POU6F1: variants seen among roughly 807,000 people sequenced by gnomAD.
POU6F1 encodes POU domain, class 6, transcription factor 1.
In POU6F1, 9 loss-of-function variants were observed where a neutral mutation model predicts 28.9. That is an observed-to-expected ratio of 0.31 (90% CI 0.19 to 0.54). The LOEUF is 0.54. Among genes scored for constraint, POU6F1 ranks in the 20% least tolerant of loss-of-function variants. The probability of loss-of-function intolerance (pLI) is 0.94; values close to 1 mark genes in which losing one functional copy is unlikely to be tolerated. For synonymous variants in POU6F1, 173 were observed against 171.1 expected (o/e 1.01, Z -0.09); for missense variants, 338 against 426.1 (o/e 0.79, Z 1.82).
chr12:51,213,659 G>A lies in POU6F1; in HGVS notation c.-48+3983C>T, dbSNP rs147888684. 3.6e-3 allele frequency among the ~76,000 whole-genome samples: 546 copies of A among 151,838 alleles called. 11 individuals are homozygous for A. The East Asian group carries it at 0.057, about 16-fold the overall frequency. ...AACGATTCTCCTGCCTCAACCTCCC[G>A]AGTAGCTGGGACTACAGGCGCCCAC... On this transcript the variant is annotated intron_variant, in intron 1 of 10. Coordinates refer to ENST00000333640, the MANE Select transcript of POU6F1 (RefSeq NM_001330422.2).
At chr12:51,212,318 T>C (rs1477091209) in intron 1 of POU6F1, among the ~76,000 whole-genome samples, 2 of 151,636 alleles carry the variant, frequency 1.3e-5, no homozygotes, top group African/African-American at 2.4e-5. Context: ...GGTCTCGAAC[T>C]CCTGACCTCG....
At chr12:51,192,998 T>A (rs1281605702) in intron 8 of POU6F1, among the ~76,000 whole-genome samples, 1 of 151,926 alleles carries the variant, frequency 6.6e-6, no homozygotes, top group African/African-American at 2.4e-5. Flanking sequence ...CAACCTGCCC[T>A]ACCAACCTGG....
At chr12:51,192,018 C>T (rs1942449922) in intron 9 of POU6F1, among the ~76,000 whole-genome samples, 1 of 152,206 alleles carries the variant, frequency 6.6e-6, no homozygotes, top group Admixed American at 6.5e-5. Flanking sequence ...CCCATTCTCC[C>T]TAGGCCTGGC....
Position 51,190,330 on chromosome 12 carries a change from G to A in POU6F1, c.1753C>T (p.Arg585Cys), listed in dbSNP as rs764924709. 3.7e-6 allele frequency: 6 copies of A among 1,614,200 alleles called. No individual in the cohort carries two copies. Among genetic ancestry groups the A allele is most frequent in the South Asian group, 1.1e-5 (1 of 91,078 alleles). Reference sequence around the variant, plus strand: ...CAGAACCAGACCCGCACTACCTCACGGTCGTAGTTGAGCTCCTTAGCAATT... The same window carrying A: ...CAGAACCAGACCCGCACTACCTCACAGTCGTAGTTGAGCTCCTTAGCAATT... Reference protein sequence around the residue: ...TEIAKELNYDREVVRVWFCNR... With the variant: ...TEIAKELNYDCEVVRVWFCNR... Residue 585 changes from arginine (R) to cysteine (C), a missense_variant, in exon 11 of 11, where the codon CGT becomes TGT. Transcript: ENST00000333640. The surrounding 1 kb of genome is among the most constrained non-coding windows in gnomAD (Gnocchi z 4.5).
At position 51,212,075 on chromosome 12, in the gene POU6F1, TTTTTTTTGTTTTG is replaced by T. The variant is rs1312996723; in HGVS notation, c.-47-5205_-47-5193del. Among the ~76,000 whole-genome samples the T allele has an allele frequency of 8.8e-5, 11 of 125,382 alleles. No individual in the cohort carries two copies. In the East Asian group the frequency reaches 1.3e-3, roughly 14 times the overall value. 82.3% of individuals were successfully genotyped at this position (125,382 alleles called of 152,430 possible). ...GCCTTGCCTTTCGTTTTTTTTTTTGTTTTTTTTGTTTTGTTTGTTTGTTTGTTTGTTTGTTTGA... is the reference window on the plus strand; with the variant it reads ...GCCTTGCCTTTCGTTTTTTTTTTTGTTTTGTTTGTTTGTTTGTTTGTTTGA... On this transcript the variant is annotated intron_variant, in intron 1 of 10. Coordinates refer to ENST00000333640, the MANE Select transcript of POU6F1 (RefSeq NM_001330422.2).
chr12:51,197,350 G>T (rs1215086000), intron 6 of POU6F1, among the ~76,000 whole-genome samples: 1 of 152,168 alleles, frequency 6.6e-6, no homozygotes, highest in Non-Finnish European at 1.5e-5. Flanking sequence ...GCCTGGGAGG[G>T]TAGAAGGGCC....
intron 8 of POU6F1, among the ~76,000 whole-genome samples, chr12:51,194,169 G>A (rs543664624): frequency 6.6e-6 from 1 of 152,254 alleles, no homozygotes; most frequent in South Asian, 2.1e-4. Flanking sequence ...TAGGATTACA[G>A]GTGCCCGCCA....
At position 51,198,617 on chromosome 12, in the gene POU6F1, G is replaced by A; in HGVS notation, c.525C>T (p.Ala175=). The A allele has an allele frequency of 2.5e-6, 1 of 399,258 alleles. No individual in the cohort carries two copies. The highest frequency in any genetic ancestry group is 4.4e-6 in the Non-Finnish European group (1 of 226,260). 24.7% of individuals were successfully genotyped at this position (399,258 alleles called of 1,614,324 possible). ...GAGAAGCAGCGGTCAGTCCTGGGAG[G>A]GCAGCCACAGTTGCTGTAGGAATTG... The part of the protein sequence containing the change: ...VWTIPTATVA[A]LPGLTAASPT... Residue 175 remains alanine (A), a synonymous_variant, in exon 5 of 11, where the codon GCC becomes GCT. Transcript: ENST00000333640.
chr12:51,207,011 G>T, intron 1 of POU6F1, 128 bp from the exon 2 acceptor site: 1 of 371,514 alleles, frequency 2.7e-6, no homozygotes, highest in East Asian at 3.9e-5. Flanking sequence ...TATCTGTAGA[G>T]GTTAAAAAAA....
Position 51,190,509 on chromosome 12 carries a change from C to T in POU6F1, c.1574G>A (p.Arg525Gln), listed in dbSNP as rs777269426. 5.5e-5 allele frequency: 89 copies of T among 1,614,064 alleles called. No individual in the cohort carries two copies. The highest frequency in any genetic ancestry group is 7.5e-5 in the Non-Finnish European group (88 of 1,180,042). ...LEKWLNEAEL[R>Q]NQEGQQNLME... ...CAGGTTCTGCTGGCCTTCCTGGTTC[C>T]GCAGTTCAGCTTCGTTTAGCCACTT... Residue 525 changes from arginine to glutamine, a missense_variant, in exon 11 of 11, where the codon CGG becomes CAG. Physicochemically the swap from Arg to Gln is conservative, Grantham distance 43. Coordinates refer to ENST00000333640, the MANE Select transcript of POU6F1 (RefSeq NM_001330422.2). The surrounding 1 kb of genome is among the most constrained non-coding windows in gnomAD (Gnocchi z 4.5).
intron 1 of POU6F1, among the ~76,000 whole-genome samples, chr12:51,214,827 C>A (rs758433511): frequency 2.6e-5 from 4 of 151,728 alleles, no homozygotes; most frequent in Non-Finnish European, 5.9e-5. Flanking sequence ...GGTGTGGTGG[C>A]GCAGGCCTGT....
rs539519690 is a variant in POU6F1, at chr12:51,198,359, G to A, written c.592+191C>T. On this transcript the variant is annotated intron_variant, in intron 5 of 10. Coordinates refer to ENST00000333640, the MANE Select transcript of POU6F1 (RefSeq NM_001330422.2). ...AGTACGGCAGGCCTGCGGGGCCAGCGTGGCGTCACGGCCTACAGTCCCGAG... is the reference window on the plus strand; with the variant it reads ...AGTACGGCAGGCCTGCGGGGCCAGCATGGCGTCACGGCCTACAGTCCCGAG... Among the ~76,000 whole-genome samples, 37 of 152,338 alleles carry A rather than the reference G, an allele frequency of 2.4e-4. No homozygotes were observed. In the Middle Eastern group the frequency reaches 0.01, roughly 42 times the overall value.
Position 51,190,263 on chromosome 12 carries a change from A to T in POU6F1, c.1820T>A (p.Val607Asp). 3 of 1,614,078 alleles carry T rather than the reference A, an allele frequency of 1.9e-6. No homozygotes were observed. Among genetic ancestry groups the T allele is most frequent in the Non-Finnish European group, 2.5e-6 (3 of 1,179,972 alleles). Reference sequence around the variant, plus strand: ...GGCTGAGCCCTAAGGGATCTGAAAGACGTTCAGCTTGCTGGTGTTCTTGAG... The same window carrying T: ...GGCTGAGCCCTAAGGGATCTGAAAGTCGTTCAGCTTGCTGGTGTTCTTGAG... Reference protein sequence around the residue: ...QTLKNTSKLNVFQIP With the variant: ...QTLKNTSKLNDFQIP Residue 607 changes from valine (V) to aspartate (D), a missense_variant, in exon 11 of 11, where the codon GTC (valine) becomes GAC (aspartate). Around this residue, in one of 3 missense-constraint regions of POU6F1, gnomAD observed 126 missense variants for 176.5 expected, o/e 0.71. Coordinates refer to ENST00000333640, the MANE Select transcript of POU6F1 (RefSeq NM_001330422.2). The surrounding 1 kb of genome is among the most constrained non-coding windows in gnomAD (Gnocchi z 4.5).
intron 6 of POU6F1, 45 bp from the exon 7 acceptor site, chr12:51,196,972 A>G: frequency 1.7e-6 from 2 of 1,175,990 alleles, no homozygotes; most frequent in Non-Finnish European, 2.5e-6. Context: ...AGGGGTGAGA[A>G]GAACCCCGGG....
At position 51,194,033 on chromosome 12, in the gene POU6F1, A is replaced by AT. The variant is rs1335255078; in HGVS notation, c.1180-1563dup. 2.8e-4 allele frequency among the ~76,000 whole-genome samples: 41 copies of AT among 147,606 alleles called. No homozygotes were observed. The Middle Eastern group carries it at 0.014, about 50-fold the overall frequency. Reference sequence around the variant, plus strand: ...TCTTGACACCATGTGAATAACGGGGATTTTTTTTTTTGAGACGGAGTCTCA... The same window carrying AT: ...TCTTGACACCATGTGAATAACGGGGATTTTTTTTTTTTGAGACGGAGTCTCA... On this transcript the variant is annotated intron_variant, in intron 8 of 10. Coordinates refer to ENST00000333640, the MANE Select transcript of POU6F1 (RefSeq NM_001330422.2).
Position 51,191,714 on chromosome 12 carries a change from G to A in POU6F1, c.1372C>T (p.Arg458Trp). 4.3e-6 allele frequency: 7 copies of A among 1,614,160 alleles called. No homozygotes were observed. The highest frequency in any genetic ancestry group is 5.9e-6 in the Non-Finnish European group (7 of 1,180,024). ...ATCTTAAAGTTCTTGGCAAACTCCC[G>A]GATCTCTTCTAAGTTGATCCCATCC... ...DEDGINLEEI[R>W]EFAKNFKIRR... Residue 458 changes from arginine (R) to tryptophan (W), a missense_variant, in exon 10 of 11, where the codon CGG (arginine) becomes TGG (tryptophan). Arg to Trp is a moderately radical substitution (Grantham distance 101). This residue lies in a region of POU6F1 where 206 missense variants were observed against 225.6 expected (regional missense o/e 0.91). Coordinates refer to ENST00000333640, the MANE Select transcript of POU6F1 (RefSeq NM_001330422.2).
intron 1 of POU6F1, among the ~76,000 whole-genome samples, chr12:51,211,253 C>A (rs1218743965): frequency 6.6e-6 from 1 of 152,182 alleles, no homozygotes; most frequent in East Asian, 1.9e-4. Flanking sequence ...CAGTAGAATC[C>A]CAATACATAC....
chr12:51,199,678 C>A lies in POU6F1; in HGVS notation c.366+69G>T. On this transcript the variant is annotated intron_variant, in intron 4 of 10. Coordinates refer to ENST00000333640, the MANE Select transcript of POU6F1 (RefSeq NM_001330422.2). This position sits in a 1 kb window ranked among gnomAD's most constrained non-coding sequence, Gnocchi z 4.1. ...GAAGTTCCCAGATTCCATGGCTTCC[C>A]CATGCTGGCTGTCCCATGCCTCGCT... is the stretch of plus-strand genomic sequence containing the variant. 1 of 399,212 alleles carries A rather than the reference C, an allele frequency of 2.5e-6. No homozygotes were observed. 24.7% of individuals were successfully genotyped at this position (399,212 alleles called of 1,614,324 possible).
At chr12:51,211,661 G>A (rs1943995030) in intron 1 of POU6F1, among the ~76,000 whole-genome samples, 2 of 152,180 alleles carry the variant, frequency 1.3e-5, no homozygotes, top group African/African-American at 2.4e-5. Flanking sequence ...GCTGAGGTAG[G>A]AGGATTGATT....
Sources: gnomAD v4.1 joint callset for allele counts (sites outside exome capture counted in the v4.1 genomes callset) on GRCh38, gnomAD v4.1.1 for gene constraint, gnomAD v4.1.1 regional missense constraint, Gnocchi (gnomAD v3.1) non-coding constraint, MANE v1.5 for transcripts, NCBI Gene and HGNC (gene_info 2026-07-23, HGNC 2026-07-21) for gene names.